Variants in LYNX1 observed in about 807,000 individuals in gnomAD.
LYNX1 encodes the protein Ly6/neurotoxin 1.
In LYNX1, 8 loss-of-function variants were observed where a neutral mutation model predicts 8.3. The observed-to-expected ratio is 0.97, with a 90% CI of 0.57 to 1.74. The LOEUF (loss-of-function observed/expected upper bound fraction) is 1.74, where lower values mean the gene tolerates loss of function less well. LYNX1 is among the 40% of genes most tolerant of loss of function. The pLI, the probability that LYNX1 is intolerant of heterozygous loss-of-function variation, is 0.00. For missense variants in LYNX1, 158 were observed against 159.7 expected, an observed-to-expected ratio of 0.99 and a Z score of 0.06; for synonymous variants, 73 against 67.9, an observed-to-expected ratio of 1.08 and a Z score of -0.37.
Position 142,771,204 on chromosome 8 carries a change from C to T in LYNX1, c.*3963G>A, listed in dbSNP as rs79686521. 4.1e-6 allele frequency: 4 copies of T among 985,436 alleles called. No individual in the cohort carries two copies. Among genetic ancestry groups the T allele is most frequent in the South Asian group, 9.4e-5 (2 of 21,290 alleles). The allele number at this position is 985,436 out of a possible 1,614,324, so 61.0% of individuals were successfully genotyped here. On this transcript the variant is annotated 3_prime_UTR_variant, in exon 4 of 4. Transcript: ENST00000652477. The stretch of plus-strand genomic sequence containing the variant: ...GGGCTGGAGAGAAGCGCAGACAATG[C>T]GAATCTGTTGATTTATTTACGGCTC...
chr8:142,772,938 T>C lies in LYNX1; in HGVS notation c.*2229A>G. 1.0e-6 allele frequency: 1 copy of C among 985,680 alleles called. No homozygotes were observed. The highest frequency in any genetic ancestry group is 1.2e-6 in the Non-Finnish European group (1 of 830,282). 61.1% of individuals were successfully genotyped at this position (985,680 alleles called of 1,614,324 possible). On this transcript the variant is annotated 3_prime_UTR_variant, in exon 4 of 4. Coordinates refer to ENST00000652477, the MANE Select transcript of LYNX1 (RefSeq NM_177477.4). ...TGTGAGAAGCTGCCCACCCCACCCCTCAACACCACAGCACTTCCAGCTCCA... is the reference window on the plus strand; with the variant it reads ...TGTGAGAAGCTGCCCACCCCACCCCCCAACACCACAGCACTTCCAGCTCCA...
chr8:142,777,605 C>A (rs1355043979), upstream of LYNX1, among the ~76,000 whole-genome samples: 6 of 149,024 alleles, frequency 4.0e-5, no homozygotes, highest in Admixed American at 1.3e-4. Context: ...CCTGGGCACC[C>A]GCCGAGCCGA....
chr8:142,774,149 T>TTGCCCCCCCCCCC lies in LYNX1; in HGVS notation c.*1017_*1018insGGGGGGGGGGGCA. ...CGGGGGAGGGGCTGGGTCTCCGCCC[T>TTGCCCCCCCCCCC]CCCCACCCCACCCTCCCCACTCCCG... is the stretch of plus-strand genomic sequence containing the variant. On this transcript the variant is annotated 3_prime_UTR_variant, in exon 4 of 4. Transcript: ENST00000652477. 2 of 725,208 alleles carry TTGCCCCCCCCCCC rather than the reference T, an allele frequency of 2.8e-6. No individual in the cohort carries two copies. Among genetic ancestry groups the TTGCCCCCCCCCCC allele is most frequent in the Non-Finnish European group, 1.6e-6 (1 of 608,412 alleles). The allele number at this position is 725,208 out of a possible 1,614,324, so 44.9% of individuals were successfully genotyped here. A position where few individuals can be genotyped will look rare whatever the true frequency, so the allele number is the denominator to read the frequency against.
At position 142,772,246 on chromosome 8, in the gene LYNX1, G is replaced by C. The variant is rs776834527; in HGVS notation, c.*2921C>G. On this transcript the variant is annotated 3_prime_UTR_variant, in exon 4 of 4. Transcript: ENST00000652477. ...GCCCTGGGCATCTACCCCCATGAAG[G>C]GGACCCTCGGTTCTGCGAGAGAGAT... 3.8e-4 allele frequency: 372 copies of C among 985,830 alleles called. No individual in the cohort carries two copies. The highest frequency in any genetic ancestry group is 4.4e-4 in the Non-Finnish European group (362 of 830,020). 61.1% of individuals were successfully genotyped at this position (985,830 alleles called of 1,614,324 possible). A position where few individuals can be genotyped will look rare whatever the true frequency, so the allele number is the denominator to read the frequency against.
chr8:142,776,421 C>A (rs2130121460), intron 1 of LYNX1: 1 of 203,092 alleles, frequency 4.9e-6, no homozygotes, highest in South Asian at 9.0e-5. Flanking sequence ...GCCTTAAATA[C>A]CAGGCCTAAA....
At chr8:142,776,352 G>C in intron 1 of LYNX1, 1 of 282,042 alleles carries the variant, frequency 3.5e-6, no homozygotes, top group Non-Finnish European at 7.1e-6. Context: ...GCTGGATGGA[G>C]GAGAGATGGG....
At chr8:142,776,601 C>T (rs1447550541) in intron 1 of LYNX1, 2 of 155,492 alleles carry the variant, frequency 1.3e-5, no homozygotes, top group African/African-American at 4.8e-5. Context: ...GGTGTCCCTA[C>T]TTGGGGTTCC....
At position 142,771,546 on chromosome 8, in the gene LYNX1, C is replaced by T. The variant is rs13362; in HGVS notation, c.*3621G>A. On this transcript the variant is annotated 3_prime_UTR_variant, in exon 4 of 4. Transcript: ENST00000652477. Reference sequence around the variant, plus strand: ...CTTCTGTCTGGGAGGCTCCTTAAGGCTGGGGAGGGCCCAGAGGGAAGGAGA... The same window carrying T: ...CTTCTGTCTGGGAGGCTCCTTAAGGTTGGGGAGGGCCCAGAGGGAAGGAGA... The T allele has an allele frequency of 2.5e-5, 25 of 985,140 alleles. No individual in the cohort carries two copies. Among genetic ancestry groups the T allele is most frequent in the Non-Finnish European group, 3.0e-5 (25 of 829,924 alleles). The allele number at this position is 985,140 out of a possible 1,614,324, so 61.0% of individuals were successfully genotyped here.
At position 142,773,206 on chromosome 8, in the gene LYNX1, G is replaced by T; in HGVS notation, c.*1961C>A. On this transcript the variant is annotated 3_prime_UTR_variant, in exon 4 of 4. Transcript: ENST00000652477. The stretch of plus-strand genomic sequence containing the variant: ...TAAGCATCCCAAGGCATCGCTGGCT[G>T]CAGCTGAGAGGGCCTCATTTGGGCA... The T allele has an allele frequency of 4.1e-6, 4 of 985,608 alleles. No homozygotes were observed. Among genetic ancestry groups the T allele is most frequent in the Non-Finnish European group, 4.8e-6 (4 of 830,030 alleles). 61.1% of individuals were successfully genotyped at this position (985,608 alleles called of 1,614,324 possible).
chr8:142,774,097 G>C lies in LYNX1; in HGVS notation c.*1070C>G, dbSNP rs969912709. 1.2e-5 allele frequency: 12 copies of C among 985,232 alleles called. No homozygotes were observed. The highest frequency in any genetic ancestry group is 3.5e-5 in the African/African-American group (2 of 57,198). The allele number at this position is 985,232 out of a possible 1,614,324, so 61.0% of individuals were successfully genotyped here. A position where few individuals can be genotyped will look rare whatever the true frequency, so the allele number is the denominator to read the frequency against. The stretch of plus-strand genomic sequence containing the variant: ...ATCCCCAGGTGGAAGGTGATGGAGG[G>C]ACCCACTCACTGTGCGCATCCCGCT... On this transcript the variant is annotated 3_prime_UTR_variant, in exon 4 of 4. Coordinates refer to ENST00000652477, the MANE Select transcript of LYNX1 (RefSeq NM_177477.4).
rs777319053 is a variant in LYNX1, at chr8:142,775,635, G to T, written c.112C>A (p.Arg38Ser). The change falls in exon 3 of 4, where the codon CGC (arginine) becomes AGC (serine). Residue 38 changes from arginine to serine, a missense_variant. Arg to Ser is a moderately radical substitution (Grantham distance 110, BLOSUM62 -1). Transcript: ENST00000652477. ...YNGDNCFNPM[R>S]CPAMVAYCMT... ...CAGTAGGCAACCATAGCCGGGCAGC[G>T]CATGGGGTTGAAGCAGTTGTCTCCG... is the stretch of plus-strand genomic sequence containing the variant. The T allele has an allele frequency of 6.2e-7, 1 of 1,602,810 alleles. No homozygotes were observed. Among genetic ancestry groups the T allele is most frequent in the Non-Finnish European group, 8.5e-7 (1 of 1,174,736 alleles).
In LYNX1 at chr8:142,772,465, C is replaced by T. The variant is rs946352358; in HGVS notation, c.*2702G>A. The T allele has an allele frequency of 1.0e-6, 1 of 985,484 alleles. No homozygotes were observed. Among genetic ancestry groups the T allele is most frequent in the African/African-American group, 1.7e-5 (1 of 57,368 alleles). 61.0% of individuals were successfully genotyped at this position (985,484 alleles called of 1,614,324 possible). ...CCTCCCCCTTCCCAGGCTTGGGGGT[C>T]CAAGGAACCCCAGCTGGTGGGAGAA... On this transcript the variant is annotated 3_prime_UTR_variant, in exon 4 of 4. Transcript: ENST00000652477.
rs781460700 is a variant in LYNX1, at chr8:142,775,125, G to T, written c.*42C>A. The stretch of plus-strand genomic sequence containing the variant: ...GCTGGGTGCGAGGGTGTAGCAGTGT[G>T]TCTCGAGAGCTTTGTTCTTGAGTGG... On this transcript the variant is annotated 3_prime_UTR_variant, in exon 4 of 4. Transcript: ENST00000652477. 6.3e-7 allele frequency: 1 copy of T among 1,588,848 alleles called. No individual in the cohort carries two copies. The highest frequency in any genetic ancestry group is 2.3e-5 in the East Asian group (1 of 44,058).
At position 142,775,300 on chromosome 8, in the gene LYNX1, T is replaced by C. The variant is rs756554170; in HGVS notation, c.218A>G (p.Tyr73Cys). The change falls in exon 4 of 4, where the codon TAT (tyrosine) becomes TGT (cysteine). Residue 73 changes from tyrosine to cysteine, a missense_variant. Transcript: ENST00000652477. Reference sequence around the variant, plus strand: ...GGACGCGTGCTTGGAGTAGCCATCATACACAGTCTCGAAGCAGCGGGGCAC... The same window carrying C: ...GGACGCGTGCTTGGAGTAGCCATCACACACAGTCTCGAAGCAGCGGGGCAC... ...SCVPRCFETV[Y>C]DGYSKHASTT... The C allele has an allele frequency of 1.9e-6, 3 of 1,613,996 alleles. No individual in the cohort carries two copies. Among genetic ancestry groups the C allele is most frequent in the East Asian group, 2.2e-5 (1 of 44,880 alleles).
Position 142,772,907 on chromosome 8 carries a change from G to C in LYNX1, c.*2260C>G. The C allele has an allele frequency of 1.0e-6, 1 of 985,912 alleles. No homozygotes were observed. Among genetic ancestry groups the C allele is most frequent in the Non-Finnish European group, 1.2e-6 (1 of 830,302 alleles). 61.1% of individuals were successfully genotyped at this position (985,912 alleles called of 1,614,324 possible). A position where few individuals can be genotyped will look rare whatever the true frequency, so the allele number is the denominator to read the frequency against. ...GAAAGGTGGACAGAAGGAGGCAGGAGGCAGGTGTGAGAAGCTGCCCACCCC... is the reference window on the plus strand; with the variant it reads ...GAAAGGTGGACAGAAGGAGGCAGGACGCAGGTGTGAGAAGCTGCCCACCCC... On this transcript the variant is annotated 3_prime_UTR_variant, in exon 4 of 4. Transcript: ENST00000652477.
chr8:142,775,424 C>T, intron 3 of LYNX1, 61 bp from the exon 4 acceptor site: 1 of 1,593,564 alleles, frequency 6.3e-7, no homozygotes, highest in Admixed American at 1.7e-5. Flanking sequence ...CCAGCTGGCC[C>T]CACCCCAGCA....
chr8:142,772,757 A>G lies in LYNX1; in HGVS notation c.*2410T>C. The G allele has an allele frequency of 2.0e-6, 2 of 985,506 alleles. No individual in the cohort carries two copies. Among genetic ancestry groups the G allele is most frequent in the Non-Finnish European group, 2.4e-6 (2 of 829,980 alleles). 61.0% of individuals were successfully genotyped at this position (985,506 alleles called of 1,614,324 possible). On this transcript the variant is annotated 3_prime_UTR_variant, in exon 4 of 4. Coordinates refer to ENST00000652477, the MANE Select transcript of LYNX1 (RefSeq NM_177477.4). ...GCCGGTTCCCTGGTGCTGCACAGCC[A>G]CGCACTCCCCATGAGTGGGCCTGCC... is the stretch of plus-strand genomic sequence containing the variant.
At position 142,771,787 on chromosome 8, in the gene LYNX1, G is replaced by C; in HGVS notation, c.*3380C>G. The stretch of plus-strand genomic sequence containing the variant: ...TCAGATGCTACATAGTGGGGGAGGC[G>C]GCAGCTGGCCTGGCTCCCCCACTTC... On this transcript the variant is annotated 3_prime_UTR_variant, in exon 4 of 4. Coordinates refer to ENST00000652477, the MANE Select transcript of LYNX1 (RefSeq NM_177477.4). 1.0e-6 allele frequency: 1 copy of C among 985,788 alleles called. No homozygotes were observed. The highest frequency in any genetic ancestry group is 1.2e-6 in the Non-Finnish European group (1 of 829,972). The allele number at this position is 985,788 out of a possible 1,614,324, so 61.1% of individuals were successfully genotyped here. A position where few individuals can be genotyped will look rare whatever the true frequency, so the allele number is the denominator to read the frequency against.
rs752145017 is a variant in LYNX1 at position 142,771,985 on chromosome 8, T to C, written c.*3182A>G. 7.1e-6 allele frequency: 7 copies of C among 986,060 alleles called. No homozygotes were observed. In the African/African-American group the frequency reaches 1.0e-4, roughly 15 times the overall value. The allele number at this position is 986,060 out of a possible 1,614,324, so 61.1% of individuals were successfully genotyped here. On this transcript the variant is annotated 3_prime_UTR_variant, in exon 4 of 4. Coordinates refer to ENST00000652477, the MANE Select transcript of LYNX1 (RefSeq NM_177477.4). ...AGCTCCGACTTCTCTAGTGGCTGAT[T>C]GCAGTTCCCAGAATGTATAACATCC...
Sources: allele counts gnomAD v4.1 joint callset (sites outside exome capture counted in the v4.1 genomes callset), GRCh38; gene constraint gnomAD v4.1.1; transcripts MANE v1.5; gene names NCBI Gene and HGNC (gene_info 2026-07-23, HGNC 2026-07-21).